Variants in DTNB observed in about 807,000 individuals in gnomAD.
DTNB encodes the protein dystrobrevin beta, also known as DTN-B.
DTNB carries 63 observed loss-of-function variants against 90.7 expected under a neutral mutation model. The ratio of observed to expected loss-of-function variants is 0.69; its 90% CI spans 0.57 to 0.86. The LOEUF (loss-of-function observed/expected upper bound fraction) is 0.86, where lower values mean the gene tolerates loss of function less well. DTNB is among the 40% of genes least tolerant of loss of function. The probability of loss-of-function intolerance (pLI) is 0.00; values close to 1 mark genes in which losing one functional copy is unlikely to be tolerated. For missense variants in DTNB, 744 were observed against 807.1 expected, an observed-to-expected ratio of 0.92 and a Z score of 0.95; for synonymous variants, 277 against 286.7, an observed-to-expected ratio of 0.97 and a Z score of 0.34.
At chr2:25,533,471 C>A (rs530493661) in intron 8 of DTNB, among the ~76,000 whole-genome samples, 1 of 152,314 alleles carries the variant, frequency 6.6e-6, no homozygotes, top group South Asian at 2.1e-4. Flanking sequence ...TGATGTGACG[C>A]TGATTCTTCC....
intron 16 of DTNB, among the ~76,000 whole-genome samples, chr2:25,396,731 T>TAAAA (rs35592591): frequency 4.6e-5 from 4 of 87,624 alleles, no homozygotes; most frequent in Admixed American, 1.3e-4. Flanking sequence ...TAAAAGGAAC[T>TAAAA]AAAAAAAAAA....
intron 9 of DTNB, among the ~76,000 whole-genome samples, chr2:25,491,633 ACT>A (rs1354299228): frequency 1.3e-5 from 2 of 151,352 alleles, no homozygotes; most frequent in African/African-American, 4.9e-5. Flanking sequence ...GCGATAGCAG[ACT>A]CTTTTTCCCC....
intron 2 of DTNB, among the ~76,000 whole-genome samples, chr2:25,646,615 T>C: frequency 6.6e-6 from 1 of 152,236 alleles, no homozygotes; most frequent in East Asian, 1.9e-4. Context: ...CCCAGGTCTT[T>C]GGATAAACTC....
intron 19 of DTNB, among the ~76,000 whole-genome samples, chr2:25,382,779 T>C (rs1312753016): frequency 6.6e-6 from 1 of 152,160 alleles, no homozygotes; most frequent in Non-Finnish European, 1.5e-5. Context: ...TCCGCCCGCC[T>C]CGGCCTTCCA....
intron 9 of DTNB, among the ~76,000 whole-genome samples, chr2:25,526,395 A>ATTTT (rs1245672956): frequency 2.0e-4 from 10 of 49,824 alleles, no homozygotes; most frequent in African/African-American, 6.8e-4. Flanking sequence ...ATATATATAT[A>ATTTT]TTTTTTTTTT....
At chr2:25,478,419 G>A (rs1336398634) in intron 10 of DTNB, among the ~76,000 whole-genome samples, 2 of 152,198 alleles carry the variant, frequency 1.3e-5, no homozygotes, top group African/African-American at 2.4e-5. Context: ...TGTACGGGAA[G>A]GCTTGTGTGT....
rs548286317 is a variant in DTNB, at chr2:25,542,176, G to A, written c.877-10579C>T. Among the ~76,000 whole-genome samples the A allele has an allele frequency of 3.5e-4, 53 of 152,058 alleles. No homozygotes were observed. The South Asian group carries it at 5.2e-3, about 15-fold the overall frequency. ...GTCACCCAGGCTGGAGTGCAGTGGC[G>A]CGATCTTGGCTCGCTGCAACCTCCA... On this transcript the variant is annotated intron_variant, in intron 8 of 20. Transcript: ENST00000406818.
chr2:25,625,144 A>G (rs2073833175), intron 4 of DTNB, among the ~76,000 whole-genome samples: 2 of 152,208 alleles, frequency 1.3e-5, no homozygotes, highest in Admixed American at 6.5e-5. Context: ...AGAAGATTAA[A>G]TAATTTTTGC....
intron 8 of DTNB, chr2:25,558,468 C>T (rs2057727584): frequency 2.1e-6 from 2 of 945,010 alleles, no homozygotes; most frequent in Non-Finnish European, 1.3e-6. Flanking sequence ...TGATGACTGC[C>T]ACAGGAAATT....
chr2:25,639,861 G>A (rs892146076), intron 2 of DTNB, among the ~76,000 whole-genome samples: 2 of 152,350 alleles, frequency 1.3e-5, no homozygotes, highest in South Asian at 4.1e-4. Flanking sequence ...CATACCGTGA[G>A]AAAGCCCAGA....
At position 25,573,193 on chromosome 2, in the gene DTNB, G is replaced by A. The variant is rs548264761; in HGVS notation, c.876+3645C>T. 1.7e-4 allele frequency among the ~76,000 whole-genome samples: 26 copies of A among 151,902 alleles called. No individual in the cohort carries two copies. The East Asian group carries it at 1.9e-3, about 11-fold the overall frequency. ...AACTCCTGACCTCAGATATCTGCCC[G>A]CCTTGGCCTCCCAAACTGCTCGGAT... is the stretch of plus-strand genomic sequence containing the variant. On this transcript the variant is annotated intron_variant, in intron 8 of 20. Transcript: ENST00000406818.
chr2:25,463,121 C>A (rs199668348), intron 10 of DTNB, among the ~76,000 whole-genome samples: 36 of 152,300 alleles, frequency 2.4e-4, no homozygotes, highest in African/African-American at 7.2e-4. Context: ...CAACACCTCC[C>A]CTTGGGTGCC....
intron 6 of DTNB, among the ~76,000 whole-genome samples, chr2:25,585,010 T>C (rs904683842): frequency 1.3e-5 from 2 of 152,242 alleles, no homozygotes; most frequent in African/African-American, 4.8e-5. Context: ...TAAAATTCCA[T>C]GACTCAATAA....
At chr2:25,521,611 T>TG (rs143981801) in intron 9 of DTNB, among the ~76,000 whole-genome samples, 49,159 of 151,914 alleles carry the variant, frequency 0.32, 9,659 homozygotes, top group African/African-American at 0.54. Context: ...CTTGAACTCC[T>TG]GTGATCCACT....
At chr2:25,388,390 A>T in intron 16 of DTNB, 29 bp from the exon 17 acceptor site, 1 of 1,581,784 alleles carries the variant, frequency 6.3e-7, no homozygotes. Flanking sequence ...AAAATACGTT[A>T]TCTCAAGTAC....
chr2:25,576,917 AG>A lies in DTNB; in HGVS notation c.796del (p.Leu266SerfsTer21). 1 of 1,613,354 alleles carries A rather than the reference AG, an allele frequency of 6.2e-7. No individual in the cohort carries two copies. Among genetic ancestry groups the A allele is most frequent in the Non-Finnish European group, 8.5e-7 (1 of 1,179,690 alleles). On this transcript the variant is annotated frameshift_variant, in exon 8 of 21. Transcript: ENST00000406818. LOFTEE classifies it high-confidence loss of function. ...YRCQQCHNYQ[L>X]CQNCFWRGHA... The stretch of plus-strand genomic sequence containing the variant: ...GCCACGCCAAAAGCAATTCTGGCAG[AG>A]CTGATAGTTGTGGCACTGCTGGCAT...
chr2:25,511,383 A>G (rs2073911848), intron 9 of DTNB, among the ~76,000 whole-genome samples: 1 of 151,920 alleles, frequency 6.6e-6, no homozygotes, highest in South Asian at 2.1e-4. Flanking sequence ...GCCAGGCTGG[A>G]GTGCAATGCG....
chr2:25,597,341 A>G (rs574338843), intron 5 of DTNB, among the ~76,000 whole-genome samples: 1 of 149,088 alleles, frequency 6.7e-6, no homozygotes, highest in East Asian at 1.9e-4. Flanking sequence ...CTTGTCTCCA[A>G]AAAAAAAAAG....
At position 25,585,537 on chromosome 2, in the gene DTNB, T is replaced by C. The variant is rs149628979; in HGVS notation, c.604-4711A>G. Among the ~76,000 whole-genome samples, 490 of 152,288 alleles carry C rather than the reference T, an allele frequency of 3.2e-3. 2 individuals carry two copies. Among genetic ancestry groups the C allele is most frequent in the African/African-American group, 0.01 (429 of 41,562 alleles). ...CACCCTTGACTACCTCTTCCCATTTTTAAAAGGGGAGAGGAGTAACCCCTT... is the reference window on the plus strand; with the variant it reads ...CACCCTTGACTACCTCTTCCCATTTCTAAAAGGGGAGAGGAGTAACCCCTT... On this transcript the variant is annotated intron_variant, in intron 6 of 20. Coordinates refer to ENST00000406818, the MANE Select transcript of DTNB (RefSeq NM_021907.5).
Sources: gnomAD v4.1 joint callset for allele counts (sites outside exome capture counted in the v4.1 genomes callset) on GRCh38, gnomAD v4.1.1 for gene constraint, MANE v1.5 for transcripts, NCBI Gene and HGNC (gene_info 2026-07-23, HGNC 2026-07-21) for gene names.